ASIC2: variants seen among roughly 807,000 people sequenced by gnomAD.
ASIC2 encodes acid sensing ion channel subunit 2.
In ASIC2, 25 loss-of-function variants were observed where a neutral mutation model predicts 57.3. The observed-to-expected ratio is 0.44, with a 90% CI of 0.32 to 0.61. The LOEUF (loss-of-function observed/expected upper bound fraction) is 0.61, where lower values mean the gene tolerates loss of function less well. Among genes scored for constraint, ASIC2 ranks in the 20% least tolerant of loss-of-function variants. The pLI is 0.06. For missense variants in ASIC2, 641 were observed against 738.1 expected, an observed-to-expected ratio of 0.87 and a Z score of 1.52; for synonymous variants, 319 against 307.5, an observed-to-expected ratio of 1.04 and a Z score of -0.39.
chr17:33,129,607 C>T (rs757438371), intron 1 of ASIC2, among the ~76,000 whole-genome samples: 1 of 152,190 alleles, frequency 6.6e-6, no homozygotes, highest in Non-Finnish European at 1.5e-5. Flanking sequence ...AGGTGTATCC[C>T]TTTGTGTAGG....
chr17:34,156,414 A>G lies in ASIC2; in HGVS notation c.119T>C (p.Ile40Thr). 6.2e-7 allele frequency: 1 copy of G among 1,614,176 alleles called. No individual in the cohort carries two copies. The highest frequency in any genetic ancestry group is 1.1e-5 in the South Asian group (1 of 91,086). ...GGCCACTGCCCACAGCACACGCCGGATGGTCAGCGGCCCATACACGAAGAT... is the reference window on the plus strand; with the variant it reads ...GGCCACTGCCCACAGCACACGCCGGGTGGTCAGCGGCCCATACACGAAGAT... Residue 40 changes from isoleucine to threonine, a missense_variant, in exon 1 of 10, where the codon ATC (isoleucine) becomes ACC (threonine). Transcript: ENST00000359872. This position sits in a 1 kb window ranked among gnomAD's most constrained non-coding sequence, Gnocchi z 4.4.
chr17:33,102,865 G>A (rs1434684340), intron 2 of ASIC2, among the ~76,000 whole-genome samples: 1 of 152,068 alleles, frequency 6.6e-6, no homozygotes, highest in Non-Finnish European at 1.5e-5. Context: ...CTCACTGCAA[G>A]CTCCGCCTTC....
At chr17:34,108,260 C>G (rs1911136200) in intron 1 of ASIC2, among the ~76,000 whole-genome samples, 1 of 152,074 alleles carries the variant, frequency 6.6e-6, no homozygotes, top group Non-Finnish European at 1.5e-5. Flanking sequence ...TCAAATATTG[C>G]CACAATAAAT....
chr17:33,811,300 G>A (rs1185138343), intron 1 of ASIC2, among the ~76,000 whole-genome samples: 1 of 152,196 alleles, frequency 6.6e-6, no homozygotes, highest in Non-Finnish European at 1.5e-5. Context: ...CTTGATCCAG[G>A]CAGACTGCAA....
At chr17:33,972,056 T>C (rs1476933428) in intron 1 of ASIC2, among the ~76,000 whole-genome samples, 1 of 152,194 alleles carries the variant, frequency 6.6e-6, no homozygotes, top group African/African-American at 2.4e-5. Context: ...TATCACCACC[T>C]CCTCCTTACA....
At chr17:33,318,643 C>T (rs1372068469) in intron 1 of ASIC2, among the ~76,000 whole-genome samples, 5 of 152,132 alleles carry the variant, frequency 3.3e-5, no homozygotes, top group Non-Finnish European at 7.3e-5. Flanking sequence ...CTTTTATTTT[C>T]CTTCTTTGCT....
At chr17:33,797,021 T>C (rs1911938211) in intron 1 of ASIC2, among the ~76,000 whole-genome samples, 1 of 152,184 alleles carries the variant, frequency 6.6e-6, no homozygotes, top group African/African-American at 2.4e-5. Flanking sequence ...AATGCTGACA[T>C]GTTCAGTGCA....
At chr17:33,500,653 G>C (rs1914073312) in intron 1 of ASIC2, among the ~76,000 whole-genome samples, 1 of 152,202 alleles carries the variant, frequency 6.6e-6, no homozygotes, top group African/African-American at 2.4e-5. Flanking sequence ...TATTGTGTAT[G>C]TTGAGGATTT....
intron 1 of ASIC2, among the ~76,000 whole-genome samples, chr17:33,359,040 G>T (rs368813000): frequency 6.6e-6 from 1 of 152,170 alleles, no homozygotes; most frequent in South Asian, 2.1e-4. Flanking sequence ...TTCTCTTCCA[G>T]CAACAATGGA....
intron 1 of ASIC2, among the ~76,000 whole-genome samples, chr17:34,062,769 G>A (rs557418601): frequency 7.8e-4 from 119 of 152,230 alleles, no homozygotes; most frequent in African/African-American, 2.8e-3. Context: ...AGAAAACCTA[G>A]AAGAGACAGA....
chr17:33,022,818 A>T (rs2091842413), intron 6 of ASIC2, among the ~76,000 whole-genome samples: 1 of 152,256 alleles, frequency 6.6e-6, no homozygotes, highest in Non-Finnish European at 1.5e-5. Context: ...CACAACATGA[A>T]TATGTAATTA....
At chr17:33,456,885 T>G (rs1410700511) in intron 1 of ASIC2, among the ~76,000 whole-genome samples, 1 of 152,188 alleles carries the variant, frequency 6.6e-6, no homozygotes, top group Non-Finnish European at 1.5e-5. Flanking sequence ...GTACGAGTAC[T>G]CAACAACTGT....
chr17:34,117,195 C>A (rs904602729), intron 1 of ASIC2, among the ~76,000 whole-genome samples: 1 of 152,088 alleles, frequency 6.6e-6, no homozygotes, highest in African/African-American at 2.4e-5. Flanking sequence ...ATGGGCTACA[C>A]AGTATACTAG....
chr17:33,018,450 T>G (rs574582037), intron 7 of ASIC2, among the ~76,000 whole-genome samples: 6 of 152,322 alleles, frequency 3.9e-5, no homozygotes, highest in African/African-American at 1.4e-4. Context: ...TGAGAACCAC[T>G]CTCCTGGGAG....
chr17:33,914,975 A>G (rs1187689336), intron 1 of ASIC2, among the ~76,000 whole-genome samples: 1 of 152,182 alleles, frequency 6.6e-6, no homozygotes, highest in East Asian at 1.9e-4. Flanking sequence ...AACTCTTCAT[A>G]TGGTCTGCTG....
intron 1 of ASIC2, among the ~76,000 whole-genome samples, chr17:33,672,738 C>T (rs117548405): frequency 6.6e-6 from 1 of 152,270 alleles, no homozygotes; most frequent in South Asian, 2.1e-4. Context: ...TTCAAGTTCT[C>T]CTTATAGGAC....
chr17:33,044,788 C>T (rs1309561473), intron 3 of ASIC2, among the ~76,000 whole-genome samples: 1 of 152,214 alleles, frequency 6.6e-6, no homozygotes, highest in Non-Finnish European at 1.5e-5. Context: ...TGCACATAAC[C>T]AAGCAAATGC....
At chr17:33,057,968 T>G (rs1397099140) in intron 3 of ASIC2, among the ~76,000 whole-genome samples, 1 of 152,278 alleles carries the variant, frequency 6.6e-6, no homozygotes, top group Admixed American at 6.5e-5. Context: ...CTTTACAAAT[T>G]CGAGTTTCCC....
At chr17:33,718,362 GT>G (rs2142081736) in intron 1 of ASIC2, among the ~76,000 whole-genome samples, 1 of 152,196 alleles carries the variant, frequency 6.6e-6, no homozygotes, top group East Asian at 1.9e-4. Context: ...CAGAAAGGGT[GT>G]TTTACATATG....
Sources: allele counts gnomAD v4.1 joint callset (sites outside exome capture counted in the v4.1 genomes callset), GRCh38; gene constraint gnomAD v4.1.1; non-coding constraint Gnocchi (gnomAD v3.1); transcripts MANE v1.5; gene names NCBI Gene and HGNC (gene_info 2026-07-23, HGNC 2026-07-21).